The following TAF1 variants were observed in gnomAD, a reference collection of about 807,000 sequenced individuals.
TAF1 encodes the protein transcription initiation factor TFIID subunit 1.
TAF1 carries 2 observed loss-of-function variants against 138.5 expected under a neutral mutation model. That is an observed-to-expected ratio of 0.01 (90% CI 0.01 to 0.05). TAF1 has a LOEUF of 0.05. Ranked by LOEUF, TAF1 falls within the 10% of genes least tolerant of loss-of-function variation. TAF1 has a pLI of 1.00. For missense variants in TAF1, 709 were observed against 1,478.0 expected (o/e 0.48, Z 8.53); for synonymous variants, 437 against 503.2 (o/e 0.87, Z 1.76).
intron 32 of TAF1, among the ~76,000 whole-genome samples, chrX:71,431,718 C>T (rs925620121): frequency 9.1e-6 from 1 of 110,236 alleles, no homozygotes; most frequent in African/African-American, 3.3e-5. Flanking sequence ...AGATCGAGAC[C>T]ATCCTGGCCA....
intron 29 of TAF1, among the ~76,000 whole-genome samples, chrX:71,422,770 G>T (rs766411638): frequency 9.0e-6 from 1 of 110,795 alleles, no homozygotes; most frequent in South Asian, 3.8e-4. Context: ...ATAGAGCTTC[G>T]CTCTGTCCAC....
At position 71,381,913 on chromosome X, in the gene TAF1, A is replaced by G. The variant is rs1312808775; in HGVS notation, c.1531A>G (p.Ile511Val). The G allele has an allele frequency of 1.7e-6, 2 of 1,147,377 alleles. No homozygotes were observed. The highest frequency in any genetic ancestry group is 2.3e-6 in the Non-Finnish European group (2 of 865,228). 94.6% of individuals were successfully genotyped at this position (1,147,377 alleles called of 1,213,427 possible). A position where few individuals can be genotyped will look rare whatever the true frequency, so the allele number is the denominator to read the frequency against. Residue 511 changes from isoleucine (I) to valine (V), a missense_variant, in exon 9 of 38, where the codon ATT (isoleucine) becomes GTT (valine). Physicochemically the swap from Ile to Val is conservative, Grantham distance 29. Transcript: ENST00000423759. Reference protein sequence around the residue: ...LTLDPNDENLILEIPDEKEEA... With the variant: ...LTLDPNDENLVLEIPDEKEEA... Reference sequence around the variant, plus strand: ...ACTTGATCCCAATGATGAGAACCTCATTTTGGGTATATTACTGGCAGAGGC... The same window carrying G: ...ACTTGATCCCAATGATGAGAACCTCGTTTTGGGTATATTACTGGCAGAGGC...
At chrX:71,419,960 T>TA (rs984488999) in intron 28 of TAF1, 3 of 247,218 alleles carry the variant, frequency 1.2e-5, no homozygotes, top group African/African-American at 5.6e-5. Context: ...TATATCTTTT[T>TA]AAAAAAATAC....
At chrX:71,496,469 TTCTC>T (rs1014072985) in intron 13 of TAF1, among the ~76,000 whole-genome samples, 1 of 111,815 alleles carries the variant, frequency 8.9e-6, no homozygotes, top group Admixed American at 9.5e-5. Flanking sequence ...TCTTTACTAC[TTCTC>T]TCTCTTTCTC....
At chrX:71,436,361 G>GACCGCCAC (rs1453986466) in intron 32 of TAF1, among the ~76,000 whole-genome samples, 1 of 107,649 alleles carries the variant, frequency 9.3e-6, no homozygotes, top group Non-Finnish European at 1.9e-5. Context: ...GACTACAGGT[G>GACCGCCAC]ACCGCCACAA....
chrX:71,439,919 A>T (rs187928122), intron 32 of TAF1, among the ~76,000 whole-genome samples: 53 of 112,197 alleles, frequency 4.7e-4, no homozygotes, highest in African/African-American at 1.7e-3. Flanking sequence ...TTGGTACATT[A>T]CTTTTAAATA....
intron 13 of TAF1, among the ~76,000 whole-genome samples, chrX:71,514,588 A>T (rs1470980837): frequency 9.0e-6 from 1 of 110,552 alleles, no homozygotes; most frequent in African/African-American, 3.3e-5. Flanking sequence ...GTTCCAGACC[A>T]CAATAAACTT....
chrX:71,393,628 C>G (rs1003669740), intron 21 of TAF1, 152 bp downstream of exon 21: 5 of 835,916 alleles, frequency 6.0e-6, no homozygotes, highest in Non-Finnish European at 7.9e-6. Flanking sequence ...TGTAATCCCA[C>G]CACCAGATTA....
intron 4 of TAF1, 37 bp downstream of exon 4, chrX:71,375,323 G>A (rs1186230003): frequency 8.3e-7 from 1 of 1,198,944 alleles, no homozygotes; most frequent in East Asian, 3.0e-5. Flanking sequence ...TGAGGAGCAA[G>A]TTTTCATTCC....
At chrX:71,446,221 C>T (rs1260305088) in intron 32 of TAF1, among the ~76,000 whole-genome samples, 1 of 111,160 alleles carries the variant, frequency 9.0e-6, no homozygotes, top group Non-Finnish European at 1.9e-5. Flanking sequence ...TAGTTGTTCA[C>T]TATTTTATAT....
intron 22 of TAF1, among the ~76,000 whole-genome samples, chrX:71,396,772 C>T (rs1203545954): frequency 8.1e-5 from 9 of 110,700 alleles, no homozygotes; most frequent in Non-Finnish European, 1.7e-4. Flanking sequence ...GTGGCTTAGG[C>T]CTGTAATCCC....
intron 34 of TAF1, among the ~76,000 whole-genome samples, chrX:71,456,644 ATTTTCTTTTTTTTTTTTT>A (rs2038299289): frequency 3.3e-5 from 1 of 30,025 alleles, no homozygotes; most frequent in African/African-American, 1.4e-4. Flanking sequence ...TCAATAATGT[ATTTTCTTTTTTTTTTTTT>A]TTTTTTTTTT....
At position 71,464,093 on chromosome X, in the gene TAF1, A is replaced by G; in HGVS notation, c.*47A>G. On this transcript the variant is annotated 3_prime_UTR_variant, in exon 38 of 38. Transcript: ENST00000423759. ...GTCAGCCTTCCCTGTTCTCCAGCCT[A>G]GGTGGTTCACCTTTCCCCAATTTGT... The G allele has an allele frequency of 9.0e-7, 1 of 1,111,193 alleles. No individual in the cohort carries two copies. The highest frequency in any genetic ancestry group is 1.2e-6 in the Non-Finnish European group (1 of 824,471). 91.6% of individuals were successfully genotyped at this position (1,111,193 alleles called of 1,213,427 possible). A position where few individuals can be genotyped will look rare whatever the true frequency, so the allele number is the denominator to read the frequency against.
intron 13 of TAF1, among the ~76,000 whole-genome samples, chrX:71,523,743 GATACAATGGGATTCAGGACAA>G: frequency 9.0e-6 from 1 of 111,501 alleles, no homozygotes; most frequent in East Asian, 2.8e-4. Flanking sequence ...ATGTTCACAT[GATACAATGGGATTCAGGACAA>G]TTCAAAGATC....
chrX:71,389,222 TG>T (rs1294347007), intron 17 of TAF1, among the ~76,000 whole-genome samples: 2 of 111,664 alleles, frequency 1.8e-5, no homozygotes, highest in African/African-American at 6.5e-5. Context: ...GAGATGATGA[TG>T]GTGCTGAATG....
rs779233283 is a variant in TAF1 at position 71,396,063 on chromosome X, C to T, written c.3407-1190C>T. 1.1e-4 allele frequency among the ~76,000 whole-genome samples: 12 copies of T among 108,134 alleles called. No individual in the cohort carries two copies. The East Asian group carries it at 1.7e-3, about 16-fold the overall frequency. The allele number at this position is 108,134 out of a possible 115,157, so 93.9% of individuals were successfully genotyped here. ...ACTTGTGAGGCTGAGGCAGGAGAAT[C>T]GCTTGAACCCGGGAAGCAGAGGTTG... On this transcript the variant is annotated intron_variant, in intron 22 of 37. Transcript: ENST00000423759.
At chrX:71,401,289 A>G (rs1027839070) in intron 24 of TAF1, among the ~76,000 whole-genome samples, 5 of 111,318 alleles carry the variant, frequency 4.5e-5, no homozygotes, top group African/African-American at 6.5e-5. Flanking sequence ...TTTGAACAAC[A>G]TAGGTTTGAA....
chrX:71,500,550 C>T (rs935147419), intron 13 of TAF1, among the ~76,000 whole-genome samples: 3 of 96,267 alleles, frequency 3.1e-5, no homozygotes, highest in East Asian at 3.3e-4. Flanking sequence ...CCCCACCCCC[C>T]GCTGGCCCAA....
Sources: allele counts gnomAD v4.1 joint callset (sites outside exome capture counted in the v4.1 genomes callset), GRCh38; gene constraint gnomAD v4.1.1; transcripts MANE v1.5; gene names NCBI Gene and HGNC (gene_info 2026-07-23, HGNC 2026-07-21).